Variants in TMEM74 observed in about 807,000 individuals in gnomAD.
TMEM74 encodes the protein transmembrane protein 74.
A neutral mutation model predicts 18.1 loss-of-function variants in TMEM74; 13 were observed. The ratio of observed to expected loss-of-function variants is 0.72; its 90% confidence interval spans 0.47 to 1.14. TMEM74 has a LOEUF of 1.14. Ranked by LOEUF, TMEM74 falls within the 50% of genes most tolerant of loss-of-function variation. The probability of loss-of-function intolerance (pLI) is 0.00; values close to 1 mark genes in which losing one functional copy is unlikely to be tolerated. For synonymous variants in TMEM74, 159 were observed against 146.6 expected (o/e 1.08, Z -0.61); for missense variants, 372 against 375.9 (o/e 0.99, Z 0.09).
downstream of TMEM74, among the ~76,000 whole-genome samples, chr8:108,775,249 T>A (rs541315497): frequency 2.0e-5 from 3 of 152,298 alleles, no homozygotes; most frequent in African/African-American, 7.2e-5. Flanking sequence ...AAGGAATCAC[T>A]TGTCCATTGT....
In TMEM74 at chr8:108,781,637, C is replaced by A. The variant is rs777041407; in HGVS notation, c.*2544G>T. ...TAAGTAGAACCTTAAAAGAGAGGTGCTCTATATGTTAGCAGATTTAAATAA... is the reference window on the plus strand; with the variant it reads ...TAAGTAGAACCTTAAAAGAGAGGTGATCTATATGTTAGCAGATTTAAATAA... On this transcript the variant is annotated 3_prime_UTR_variant, in exon 2 of 2. Transcript: ENST00000297459. Among the ~76,000 whole-genome samples, 10 of 152,074 alleles carry A rather than the reference C, an allele frequency of 6.6e-5. No homozygotes were observed. Among genetic ancestry groups the A allele is most frequent in the Non-Finnish European group, 1.5e-4 (10 of 68,026 alleles).
chr8:108,701,698 A>T (rs1033583292), intron 1 of TMEM74, among the ~76,000 whole-genome samples: 16 of 152,162 alleles, frequency 1.1e-4, no homozygotes, highest in Non-Finnish European at 2.2e-4. Context: ...ATATAAACAA[A>T]ATCTATGTGA....
chr8:108,702,898 A>C (rs1027003379), intron 1 of TMEM74, among the ~76,000 whole-genome samples: 10 of 151,684 alleles, frequency 6.6e-5, no homozygotes, highest in African/African-American at 1.9e-4. Flanking sequence ...AAACTCAGGT[A>C]ATAAACAGTG....
chr8:108,655,575 T>C (rs1812813545), intron 1 of TMEM74: 1 of 152,174 alleles, frequency 6.6e-6, no homozygotes, highest in Non-Finnish European at 1.5e-5. Context: ...ATTTTTAATA[T>C]AGTTCTTAGA....
chr8:108,763,246 A>G (rs1240826563), intron 1 of TMEM74, among the ~76,000 whole-genome samples: 1 of 151,908 alleles, frequency 6.6e-6, no homozygotes, highest in African/African-American at 2.4e-5. Context: ...CATCCCACAT[A>G]AAGTAGATGT....
At chr8:108,659,910 C>A (rs908161327) in intron 1 of TMEM74, among the ~76,000 whole-genome samples, 1 of 152,128 alleles carries the variant, frequency 6.6e-6, no homozygotes, top group Admixed American at 6.6e-5. Flanking sequence ...CACAAAGCCC[C>A]AGCCATTTCA....
chr8:108,787,444 G>A (rs1246267685), intron 1 of TMEM74, 32 bp downstream of exon 1: 1 of 152,412 alleles, frequency 6.6e-6, no homozygotes. Context: ...TGCATTCAAA[G>A]CCTCCACCCC....
intron 1 of TMEM74, among the ~76,000 whole-genome samples, chr8:108,685,570 T>C (rs1442228536): frequency 1.6e-4 from 24 of 152,156 alleles, no homozygotes; most frequent in Non-Finnish European, 2.9e-5. Flanking sequence ...TAATACTTAA[T>C]AGGGGAACAT....
chr8:108,663,029 T>C (rs1390233968), intron 1 of TMEM74, among the ~76,000 whole-genome samples: 1 of 152,116 alleles, frequency 6.6e-6, no homozygotes, highest in African/African-American at 2.4e-5. Context: ...TTCGGTTCCA[T>C]ATGAATTTTA....
intron 1 of TMEM74, among the ~76,000 whole-genome samples, chr8:108,692,820 CATG>C (rs1251098644): frequency 3.3e-5 from 5 of 152,162 alleles, no homozygotes; most frequent in South Asian, 4.1e-4. Flanking sequence ...TACTTATTTG[CATG>C]ATAATTGCCT....
At chr8:108,671,384 C>T (rs912649386) in intron 1 of TMEM74, among the ~76,000 whole-genome samples, 1 of 152,138 alleles carries the variant, frequency 6.6e-6, no homozygotes, top group Admixed American at 6.5e-5. Context: ...GGTTAGAAGG[C>T]CCCCTGGGGC....
intron 1 of TMEM74, among the ~76,000 whole-genome samples, chr8:108,682,282 C>A (rs1489788185): frequency 6.6e-6 from 1 of 151,956 alleles, no homozygotes; most frequent in African/African-American, 2.4e-5. Context: ...TTCTCTTCAC[C>A]CCCACTATGC....
chr8:108,737,463 T>C (rs1015846730), intron 1 of TMEM74, among the ~76,000 whole-genome samples: 1 of 152,212 alleles, frequency 6.6e-6, no homozygotes, highest in Non-Finnish European at 1.5e-5. Context: ...GTTCATGCAT[T>C]ATTTAAAACC....
chr8:108,648,449 G>T (rs528524925), intron 2 of TMEM74, among the ~76,000 whole-genome samples: 1 of 152,234 alleles, frequency 6.6e-6, no homozygotes, highest in African/African-American at 2.4e-5. Context: ...ACCCCGCAAA[G>T]ATGTCCATAT....
downstream of TMEM74, among the ~76,000 whole-genome samples, chr8:108,777,078 T>C (rs1814242394): frequency 6.6e-6 from 1 of 152,218 alleles, no homozygotes; most frequent in African/African-American, 2.4e-5. Context: ...TTTTCTTATT[T>C]ACGTTCTATC....
intron 1 of TMEM74, among the ~76,000 whole-genome samples, chr8:108,665,666 T>C (rs1348043162): frequency 6.6e-6 from 1 of 152,126 alleles, no homozygotes; most frequent in African/African-American, 2.4e-5. Context: ...GCTAATGTGG[T>C]TGTCTAAGTG....
chr8:108,680,686 A>C lies in TMEM74; in HGVS notation n.120-25249T>G, dbSNP rs1392482366. On this transcript the variant is annotated intron_variant and non_coding_transcript_variant, in intron 1 of 3. Coordinates refer to the TMEM74 transcript ENST00000518838. Reference sequence around the variant, plus strand: ...GCCAGGGCAATTAGGCGGGAGAAGGAAATAAAGGGTATTCAATTAGGAAAA... The same window carrying C: ...GCCAGGGCAATTAGGCGGGAGAAGGCAATAAAGGGTATTCAATTAGGAAAA... 1.2e-4 allele frequency among the ~76,000 whole-genome samples: 18 copies of C among 152,304 alleles called. No homozygotes were observed. In the East Asian group the frequency reaches 3.1e-3, roughly 26 times the overall value.
intron 1 of TMEM74, among the ~76,000 whole-genome samples, chr8:108,682,276 C>A (rs886324869): frequency 7.9e-5 from 12 of 152,034 alleles, no homozygotes; most frequent in Non-Finnish European, 1.3e-4. Flanking sequence ...ATGCTATTCT[C>A]TTCACCCCCA....
In TMEM74 at chr8:108,635,100, C is replaced by G. The variant is rs536498473; in HGVS notation, n.264+20193G>C. Reference sequence around the variant, plus strand: ...ATGGTCAAATCAAGTTCTCTGCCTTCCCTACTCAAGTGGCCTCTCCCTAAA... The same window carrying G: ...ATGGTCAAATCAAGTTCTCTGCCTTGCCTACTCAAGTGGCCTCTCCCTAAA... On this transcript the variant is annotated intron_variant and non_coding_transcript_variant, in intron 2 of 3. Coordinates refer to the TMEM74 transcript ENST00000518838. Among the ~76,000 whole-genome samples the G allele has an allele frequency of 9.2e-5, 14 of 152,090 alleles. No homozygotes were observed. The East Asian group carries it at 2.7e-3, about 30-fold the overall frequency.
Sources: allele counts gnomAD v4.1 joint callset (sites outside exome capture counted in the v4.1 genomes callset), GRCh38; gene constraint gnomAD v4.1.1; transcripts MANE v1.5; gene names NCBI Gene and HGNC (gene_info 2026-07-23, HGNC 2026-07-21).